Variants in TMEM164 observed in about 807,000 individuals in gnomAD.
TMEM164 encodes RP13-360B22.2.
TMEM164 carries 4 observed loss-of-function variants against 18.8 expected under a neutral mutation model. That is an observed-to-expected ratio of 0.21 (90% CI 0.10 to 0.49). The LOEUF (loss-of-function observed/expected upper bound fraction) is 0.49. TMEM164 is among the 20% of genes least tolerant of loss of function. The pLI is 0.98. For missense variants in TMEM164, 108 were observed against 239.9 expected, an observed-to-expected ratio of 0.45 and a Z score of 3.63; for synonymous variants, 86 against 101.7, an observed-to-expected ratio of 0.85 and a Z score of 0.93.
At chrX:110,146,619 C>G (rs926182536) in intron 5 of TMEM164, among the ~76,000 whole-genome samples, 4 of 111,714 alleles carry the variant, frequency 3.6e-5, no homozygotes, top group Non-Finnish European at 7.5e-5. Context: ...ACTTTTTACT[C>G]CAGGACCTCA....
intron 5 of TMEM164, among the ~76,000 whole-genome samples, chrX:110,153,621 G>T (rs1023006382): frequency 8.9e-6 from 1 of 112,178 alleles, no homozygotes; most frequent in Non-Finnish European, 1.9e-5. Context: ...ATCCAAGGAT[G>T]CTCAAGTCCC....
chrX:110,037,616 T>C (rs192827826), intron 2 of TMEM164, among the ~76,000 whole-genome samples: 21 of 111,979 alleles, frequency 1.9e-4, no homozygotes, highest in African/African-American at 6.8e-4. Context: ...TCACCTCTGC[T>C]TAGCCACAGG....
intron 2 of TMEM164, among the ~76,000 whole-genome samples, chrX:110,015,412 G>A (rs1050197160): frequency 8.9e-6 from 1 of 112,163 alleles, no homozygotes; most frequent in Non-Finnish European, 1.9e-5. Flanking sequence ...AAACAGCAGC[G>A]CTTGGAAATT....
chrX:110,179,984 G>A (rs777164371), downstream of TMEM164, among the ~76,000 whole-genome samples: 48 of 112,189 alleles, frequency 4.3e-4, no homozygotes, highest in African/African-American at 1.5e-3. Flanking sequence ...TGTTTGCCCA[G>A]GCACCTCAAG....
intron 2 of TMEM164, among the ~76,000 whole-genome samples, chrX:110,037,446 A>G (rs1283045643): frequency 8.9e-6 from 1 of 112,025 alleles, no homozygotes; most frequent in Non-Finnish European, 1.9e-5. Context: ...ACTCCATCAA[A>G]ACCCAGCCAC....
rs2066831397 is a variant in TMEM164, at chrX:110,144,963, C to T, written c.586+87C>T. ...GGGAGTCACAGCCTCTTGGGTGCTT[C>T]CCAGGATCTTCAGCTGCCGCTTGAC... On this transcript the variant is annotated intron_variant, in intron 5 of 6. Coordinates refer to ENST00000372068, the MANE Select transcript of TMEM164 (RefSeq NM_032227.4). The T allele has an allele frequency of 1.1e-5, 8 of 698,489 alleles. No homozygotes were observed. The East Asian group carries it at 2.7e-4, about 23-fold the overall frequency. 57.6% of individuals were successfully genotyped at this position (698,489 alleles called of 1,213,427 possible).
intron 3 of TMEM164, among the ~76,000 whole-genome samples, chrX:110,079,579 C>T (rs1462960649): frequency 8.9e-6 from 1 of 111,979 alleles, no homozygotes; most frequent in Non-Finnish European, 1.9e-5. Context: ...TCCTCATCTT[C>T]AGCTGATCTG....
chrX:110,136,611 C>T (rs894982037), intron 4 of TMEM164, among the ~76,000 whole-genome samples: 7 of 111,630 alleles, frequency 6.3e-5, no homozygotes, highest in Admixed American at 1.9e-4. Flanking sequence ...CTGGTAAGGC[C>T]AAGTCACCTG....
chrX:110,066,069 G>A (rs1018330021), intron 2 of TMEM164, among the ~76,000 whole-genome samples: 8 of 111,675 alleles, frequency 7.2e-5, no homozygotes, highest in Non-Finnish European at 1.5e-4. Flanking sequence ...GCAGGTGATG[G>A]ACTCCTGACT....
chrX:110,071,716 CAAAAAAAAAAA>C (rs59182790), intron 3 of TMEM164, among the ~76,000 whole-genome samples: 6 of 43,378 alleles, frequency 1.4e-4, no homozygotes, highest in African/African-American at 1.0e-4. Flanking sequence ...TTTGTCTCTA[CAAAAAAAAAAA>C]AAAAAAAAAA....
chrX:110,099,020 G>C (rs187356753), intron 3 of TMEM164, among the ~76,000 whole-genome samples: 2 of 100,889 alleles, frequency 2.0e-5, no homozygotes, highest in African/African-American at 7.4e-5. Context: ...GGATGGTCTC[G>C]ATCTCCTGAC....
rs2066676389 is a variant in TMEM164, at chrX:110,135,412, T to C, written c.508-9386T>C. On this transcript the variant is annotated intron_variant, in intron 4 of 6. Coordinates refer to ENST00000372068, the MANE Select transcript of TMEM164 (RefSeq NM_032227.4). ...TTAGGTTGCTTTTTTAAATTACAAA[T>C]TTTTTGTAATTATAAATAATGCTGC... Among the ~76,000 whole-genome samples, 3 of 111,659 alleles carry C rather than the reference T, an allele frequency of 2.7e-5. No homozygotes were observed. The Admixed American group carries it at 2.9e-4, about 11-fold the overall frequency.
chrX:110,031,022 A>G (rs909234260), intron 2 of TMEM164, among the ~76,000 whole-genome samples: 5 of 110,724 alleles, frequency 4.5e-5, no homozygotes, highest in Admixed American at 1.9e-4. Context: ...CTTTGTCTAC[A>G]TTAAGTATTT....
chrX:110,116,851 T>TGC lies in TMEM164; in HGVS notation c.507+7709_507+7710dup, dbSNP rs1215631036. Among the ~76,000 whole-genome samples the TGC allele has an allele frequency of 3.9e-4, 38 of 98,697 alleles. 1 individual carries two copies. The East Asian group carries it at 4.3e-3, about 11-fold the overall frequency. 85.7% of individuals were successfully genotyped at this position (98,697 alleles called of 115,157 possible). A position where few individuals can be genotyped will look rare whatever the true frequency, so the allele number is the denominator to read the frequency against. On this transcript the variant is annotated intron_variant, in intron 4 of 6. Coordinates refer to ENST00000372068, the MANE Select transcript of TMEM164 (RefSeq NM_032227.4). ...GTGTGTGTGTGTGTGTGTGTGTGTGTGCGCGTGTGCGTGTGTGTGTGTGTG... is the reference window on the plus strand; with the variant it reads ...GTGTGTGTGTGTGTGTGTGTGTGTGTGCGCGCGTGTGCGTGTGTGTGTGTGTG...
chrX:110,064,833 T>C (rs1289919139), intron 2 of TMEM164, among the ~76,000 whole-genome samples: 1 of 106,166 alleles, frequency 9.4e-6, no homozygotes, highest in African/African-American at 3.4e-5. Flanking sequence ...AAAATAAAAA[T>C]AAAAAATAAA....
At chrX:110,035,956 T>C (rs1934779149) in intron 2 of TMEM164, among the ~76,000 whole-genome samples, 1 of 111,097 alleles carries the variant, frequency 9.0e-6, no homozygotes, top group African/African-American at 3.3e-5. Flanking sequence ...GTAGTGCTTA[T>C]GTACATTCCT....
At chrX:110,066,948 G>C (rs113269867) in intron 2 of TMEM164, among the ~76,000 whole-genome samples, 7,054 of 111,312 alleles carry the variant, frequency 0.063, 184 homozygotes, top group Admixed American at 0.097. Flanking sequence ...ATTTTTATTT[G>C]CTAAATTTGG....
chrX:110,098,943 C>A (rs1433762139), intron 3 of TMEM164, among the ~76,000 whole-genome samples: 10 of 105,118 alleles, frequency 9.5e-5, no homozygotes, highest in Non-Finnish European at 1.6e-4. Context: ...GCCACCACAC[C>A]CGGCTAATTT....
chrX:110,163,055 T>C (rs183971503), intron 5 of TMEM164, among the ~76,000 whole-genome samples: 12 of 112,481 alleles, frequency 1.1e-4, no homozygotes, highest in Non-Finnish European at 2.3e-4. Flanking sequence ...TTTCCCAGCC[T>C]CTAGCCTCAC....
Sources: allele counts gnomAD v4.1 joint callset (sites outside exome capture counted in the v4.1 genomes callset), GRCh38; gene constraint gnomAD v4.1.1; transcripts MANE v1.5; gene names NCBI Gene and HGNC (gene_info 2026-07-23, HGNC 2026-07-21).